CLMP: variants seen among roughly 807,000 people sequenced by gnomAD.
The protein encoded by CLMP is CXADR-like membrane protein.
Under a neutral mutation model 45.2 loss-of-function variants are expected in CLMP, and 27 were observed. The ratio of observed to expected loss-of-function variants is 0.60; its 90% CI spans 0.44 to 0.82. The LOEUF (loss-of-function observed/expected upper bound fraction) is 0.82. Among genes scored for constraint, CLMP ranks in the 40% least tolerant of loss-of-function variants. The pLI is 0.00. For synonymous variants in CLMP, 167 were observed against 171.4 expected, an observed-to-expected ratio of 0.97 and a Z score of 0.20; for missense variants, 403 against 448.4, an observed-to-expected ratio of 0.90 and a Z score of 0.91.
At chr11:123,194,860 G>A (rs1162171571) in intron 1 of CLMP, 53 bp downstream of exon 1, 2 of 1,609,544 alleles carry the variant, frequency 1.2e-6, no homozygotes, top group Admixed American at 3.3e-5. Context: ...CCCGGACGCA[G>A]GGCTGCGTTT....
intron 1 of CLMP, among the ~76,000 whole-genome samples, chr11:123,112,791 T>TC (rs1491223679): frequency 9.7e-5 from 14 of 143,614 alleles, no homozygotes; most frequent in African/African-American, 3.5e-4. Flanking sequence ...TTTTTTTTTT[T>TC]GAGACGAAGT....
chr11:123,083,539 T>C, intron 4 of CLMP, 141 bp downstream of exon 4: 1 of 810,706 alleles, frequency 1.2e-6, no homozygotes, highest in African/African-American at 1.7e-5. Context: ...CTGTTCTAGT[T>C]AATGGATTTT....
intron 1 of CLMP, among the ~76,000 whole-genome samples, chr11:123,143,551 T>C (rs995085035): frequency 6.6e-6 from 1 of 151,888 alleles, no homozygotes; most frequent in Non-Finnish European, 1.5e-5. Context: ...GAACAGTGGG[T>C]GGCCTCTGAT....
chr11:123,082,261 C>T (rs550851545), intron 5 of CLMP, among the ~76,000 whole-genome samples: 49 of 152,300 alleles, frequency 3.2e-4, no homozygotes, highest in African/African-American at 1.1e-3. Flanking sequence ...TAGTGAATTT[C>T]TTTAGGGGGC....
chr11:123,076,455 T>C (rs1445249332), intron 5 of CLMP, among the ~76,000 whole-genome samples: 3 of 152,160 alleles, frequency 2.0e-5, no homozygotes, highest in East Asian at 1.9e-4. Flanking sequence ...TTTCAGATAA[T>C]GGATAAATTC....
chr11:123,119,666 T>C (rs1277770317), intron 1 of CLMP, among the ~76,000 whole-genome samples: 7 of 151,922 alleles, frequency 4.6e-5, no homozygotes, highest in East Asian at 1.9e-4. Context: ...CCAGTTCATA[T>C]GCATTTTATG....
At chr11:123,083,910 T>A (rs1865833930) in intron 3 of CLMP, 63 bp from the exon 4 acceptor site, 1 of 1,582,182 alleles carries the variant, frequency 6.3e-7, no homozygotes, top group Non-Finnish European at 8.6e-7. Flanking sequence ...CCAGATTCAA[T>A]GGAAAAATTA....
chr11:123,156,528 G>C (rs1461860553), intron 1 of CLMP, among the ~76,000 whole-genome samples: 1 of 152,026 alleles, frequency 6.6e-6, no homozygotes, highest in Non-Finnish European at 1.5e-5. Context: ...GCCATTAAGT[G>C]GTGGTCGGGG....
intron 1 of CLMP, among the ~76,000 whole-genome samples, chr11:123,102,374 C>T (rs548184534): frequency 4.7e-4 from 70 of 150,136 alleles, no homozygotes; most frequent in Non-Finnish European, 7.7e-4. Flanking sequence ...TCCGACTCCC[C>T]GGTTCAAGTG....
At chr11:123,094,646 C>G (rs1271513049) in intron 2 of CLMP, among the ~76,000 whole-genome samples, 3 of 152,198 alleles carry the variant, frequency 2.0e-5, no homozygotes, top group African/African-American at 7.2e-5. Flanking sequence ...GTCCTCCCAC[C>G]TCAACCTCCC....
At chr11:123,114,748 C>A (rs542239920) in intron 1 of CLMP, among the ~76,000 whole-genome samples, 1 of 152,206 alleles carries the variant, frequency 6.6e-6, no homozygotes, top group African/African-American at 2.4e-5. Flanking sequence ...ATGTGCAAAG[C>A]ATTGGTACTT....
intron 1 of CLMP, among the ~76,000 whole-genome samples, chr11:123,170,442 C>CT (rs11463797): frequency 0.55 from 77,659 of 140,620 alleles, 21,564 homozygotes; most frequent in Admixed American, 0.66. Context: ...ATGAAACCTG[C>CT]TTTTTTTTTT....
At chr11:123,164,262 C>T (rs1044033867) in intron 1 of CLMP, among the ~76,000 whole-genome samples, 7 of 152,124 alleles carry the variant, frequency 4.6e-5, no homozygotes, top group African/African-American at 7.2e-5. Flanking sequence ...AATAGGGCCT[C>T]ACAATTAGTA....
At chr11:123,119,740 A>T (rs929033130) in intron 1 of CLMP, among the ~76,000 whole-genome samples, 1 of 151,672 alleles carries the variant, frequency 6.6e-6, no homozygotes, top group African/African-American at 2.4e-5. Context: ...AGACTGGAGT[A>T]CAGCGGTGCA....
intron 1 of CLMP, chr11:123,192,930 C>G (rs140790734): frequency 6.6e-6 from 1 of 152,182 alleles, no homozygotes; most frequent in Non-Finnish European, 1.5e-5. Context: ...GAACAGTGTC[C>G]GAGCATTCCA....
chr11:123,104,884 T>A (rs886485353), intron 1 of CLMP, among the ~76,000 whole-genome samples: 3 of 152,162 alleles, frequency 2.0e-5, no homozygotes, highest in African/African-American at 7.2e-5. Context: ...CCCCAGAGAA[T>A]TGAGATGTCA....
chr11:123,135,921 TA>T lies in CLMP; in HGVS notation c.29-37970del, dbSNP rs1286826092. ...CACTATGGGAGAACATTCACGTCCT[TA>T]AGATGCAAGTCCGAGCAAAAAGCCT... is the stretch of plus-strand genomic sequence containing the variant. On this transcript the variant is annotated intron_variant, in intron 1 of 6. Transcript: ENST00000448775. The T allele has an allele frequency of 9.2e-6, 5 of 543,998 alleles. No individual in the cohort carries two copies. The East Asian group carries it at 2.4e-4, about 27-fold the overall frequency. 33.7% of individuals were successfully genotyped at this position (543,998 alleles called of 1,614,324 possible). A position where few individuals can be genotyped will look rare whatever the true frequency, so the allele number is the denominator to read the frequency against.
intron 1 of CLMP, among the ~76,000 whole-genome samples, chr11:123,130,323 C>T (rs1343183601): frequency 6.6e-6 from 1 of 152,124 alleles, no homozygotes; most frequent in South Asian, 2.1e-4. Flanking sequence ...TCAGAGTCAC[C>T]GTGGTCTGGT....
At chr11:123,191,812 G>C (rs908808165) in intron 1 of CLMP, among the ~76,000 whole-genome samples, 15 of 152,192 alleles carry the variant, frequency 9.9e-5, no homozygotes, top group African/African-American at 3.6e-4. Context: ...GTTTATGCAA[G>C]GTACTGAACA....
Sources: allele counts gnomAD v4.1 joint callset (sites outside exome capture counted in the v4.1 genomes callset), GRCh38; gene constraint gnomAD v4.1.1; transcripts MANE v1.5; gene names NCBI Gene and HGNC (gene_info 2026-07-23, HGNC 2026-07-21).